The following OSTM1 variants were observed in gnomAD, a reference collection of about 807,000 sequenced individuals.
OSTM1 encodes the protein osteoclastogenesis associated transmembrane protein 1, also known as osteopetrosis-associated transmembrane protein 1.
In OSTM1, 26 loss-of-function variants were observed where a neutral mutation model predicts 35.4. The observed-to-expected ratio is 0.73, with a 90% CI of 0.54 to 1.02. The LOEUF is 1.02. Among genes scored for constraint, OSTM1 ranks in the 50% least tolerant of loss-of-function variants. OSTM1 has a pLI of 0.00. For missense variants in OSTM1, 366 were observed against 409.6 expected, an observed-to-expected ratio of 0.89 and a Z score of 0.92; for synonymous variants, 181 against 165.0, an observed-to-expected ratio of 1.10 and a Z score of -0.75.
chr6:108,067,990 T>C (rs1197585575), intron 1 of OSTM1, among the ~76,000 whole-genome samples: 1 of 152,148 alleles, frequency 6.6e-6, no homozygotes, highest in Non-Finnish European at 1.5e-5. Context: ...TTCCAATCCC[T>C]GTTCAACCCA....
chr6:108,062,535 CTTTTT>C (rs780041339), intron 2 of OSTM1, among the ~76,000 whole-genome samples: 1 of 131,076 alleles, frequency 7.6e-6, no homozygotes, highest in African/African-American at 2.8e-5. Flanking sequence ...CTTTTCTTTT[CTTTTT>C]TTTTTTTTTT....
At position 108,071,101 on chromosome 6, in the gene OSTM1, T is replaced by G. The variant is rs1772475062; in HGVS notation, c.402+3149A>C. On this transcript the variant is annotated intron_variant, in intron 1 of 5. Coordinates refer to ENST00000193322, the MANE Select transcript of OSTM1 (RefSeq NM_014028.4). ...TGCTTGGGAGGCTAAGGCAGGAGAA[T>G]GGCATGAACCTGGGAGGTGGAGCTT... Among the ~76,000 whole-genome samples the G allele has an allele frequency of 2.0e-5, 3 of 150,960 alleles. No homozygotes were observed. In the South Asian group the frequency reaches 6.3e-4, roughly 31 times the overall value.
Position 108,045,046 on chromosome 6 carries a change from T to C in OSTM1, c.950-206A>G, listed in dbSNP as rs566025338. 5.9e-5 allele frequency among the ~76,000 whole-genome samples: 9 copies of C among 152,282 alleles called. 1 individual carries two copies. The East Asian group carries it at 1.7e-3, about 29-fold the overall frequency. On this transcript the variant is annotated intron_variant, in intron 5 of 5. Coordinates refer to ENST00000193322, the MANE Select transcript of OSTM1 (RefSeq NM_014028.4). Reference sequence around the variant, plus strand: ...ACTTTGTTAGAAATTGCACATGACTTTGTTAGAAGCAGTACAAATAAAACA... The same window carrying C: ...ACTTTGTTAGAAATTGCACATGACTCTGTTAGAAGCAGTACAAATAAAACA...
intron 5 of OSTM1, among the ~76,000 whole-genome samples, chr6:108,048,155 T>TA (rs1772012473): frequency 6.6e-6 from 1 of 152,148 alleles, no homozygotes; most frequent in Non-Finnish European, 1.5e-5. Context: ...AACCTTTTTT[T>TA]AAAAAAATTA....
At position 108,074,252 on chromosome 6, in the gene OSTM1, C is replaced by T. The variant is rs1488282026; in HGVS notation, c.400G>A (p.Gly134Arg). Residue 134 changes from glycine to arginine, a missense_variant and splice_region_variant, in exon 1 of 6, where the codon GGG becomes AGG. By Grantham distance (125) the Gly-to-Arg change is moderately radical. This residue lies in a region of OSTM1 where 236 missense variants were observed against 239.3 expected (regional missense o/e 0.99). Transcript: ENST00000193322. ...SKMDNISRAA[G>R]NTSESQSCAR... ...CCCGGACGTGGTCCTGTACCCACCC[C>T]CGCGGCTCGGCTGATGTTGTCCATC... 4 of 1,612,132 alleles carry T rather than the reference C, an allele frequency of 2.5e-6. No individual in the cohort carries two copies. The Admixed American group carries it at 5.0e-5, about 20-fold the overall frequency.
intron 3 of OSTM1, among the ~76,000 whole-genome samples, chr6:108,051,976 T>C (rs1179068345): frequency 2.0e-5 from 3 of 152,136 alleles, no homozygotes; most frequent in African/African-American, 7.2e-5. Flanking sequence ...TAACTGAACA[T>C]TGGGATGAAA....
intron 5 of OSTM1, 87 bp downstream of exon 5, chr6:108,049,164 TTC>T: frequency 2.4e-6 from 2 of 828,378 alleles, no homozygotes; most frequent in Non-Finnish European, 4.0e-6. Context: ...CTACTTTGAG[TTC>T]TCAGAGTAGC....
chr6:108,067,828 TAAAAAAAAAA>T (rs60932026), intron 1 of OSTM1, among the ~76,000 whole-genome samples: 4 of 77,782 alleles, frequency 5.1e-5, no homozygotes, highest in East Asian at 3.5e-4. Flanking sequence ...AGCCTCTGTC[TAAAAAAAAAA>T]AAAAAAAAAA....
chr6:108,050,722 C>A (rs1772061947), intron 4 of OSTM1, among the ~76,000 whole-genome samples: 1 of 152,022 alleles, frequency 6.6e-6, no homozygotes, highest in Non-Finnish European at 1.5e-5. Context: ...TATAACAATA[C>A]CTACACCTCT....
At chr6:108,046,178 T>C (rs1387443532) in intron 5 of OSTM1, among the ~76,000 whole-genome samples, 1 of 142,262 alleles carries the variant, frequency 7.0e-6, no homozygotes, top group East Asian at 2.0e-4. Context: ...ATTTTTTTTT[T>C]TTTTTTTTTT....
chr6:108,046,925 C>T (rs1414540283), intron 5 of OSTM1, among the ~76,000 whole-genome samples: 1 of 152,134 alleles, frequency 6.6e-6, no homozygotes, highest in African/African-American at 2.4e-5. Flanking sequence ...GTACATACAC[C>T]TACATCTTCC....
In OSTM1 at chr6:108,074,718, C is replaced by T; in HGVS notation, c.-67G>A. On this transcript the variant is annotated 5_prime_UTR_variant, in exon 1 of 6. Coordinates refer to ENST00000193322, the MANE Select transcript of OSTM1 (RefSeq NM_014028.4). ...CGCCCCCAGCCGGCACCGCGGACAG[C>T]CGCCGCTTCCGGTTTCCGCGAGCGC... is the stretch of plus-strand genomic sequence containing the variant. 4.2e-6 allele frequency: 6 copies of T among 1,422,524 alleles called. No homozygotes were observed. The highest frequency in any genetic ancestry group is 2.5e-4 in the Middle Eastern group (1 of 3,926). The allele number at this position is 1,422,524 out of a possible 1,614,324, so 88.1% of individuals were successfully genotyped here.
intron 3 of OSTM1, 67 bp from the exon 4 acceptor site, chr6:108,051,265 C>T: frequency 8.5e-7 from 1 of 1,171,376 alleles, no homozygotes; most frequent in Non-Finnish European, 1.2e-6. Flanking sequence ...TTAATGTAAG[C>T]TATTTACGCT....
chr6:108,048,180 G>A (rs1300933518), intron 5 of OSTM1, among the ~76,000 whole-genome samples: 1 of 152,132 alleles, frequency 6.6e-6, no homozygotes, highest in Admixed American at 6.5e-5. Flanking sequence ...TATTAGAAGT[G>A]AAGTTAGATG....
chr6:108,058,562 G>C (rs1772208093), intron 2 of OSTM1, among the ~76,000 whole-genome samples: 1 of 152,216 alleles, frequency 6.6e-6, no homozygotes, highest in East Asian at 1.9e-4. Context: ...GCCGAGGCAG[G>C]TGGATCACGA....
chr6:108,065,965 C>G (rs866966300), intron 1 of OSTM1, among the ~76,000 whole-genome samples: 2 of 138,604 alleles, frequency 1.4e-5, no homozygotes, highest in South Asian at 2.2e-4. Context: ...AGGATATGAA[C>G]TAAGCCCTAT....
intron 1 of OSTM1, among the ~76,000 whole-genome samples, 175 bp from the exon 2 acceptor site, chr6:108,064,474 C>G (rs1772343184): frequency 6.6e-6 from 1 of 152,152 alleles, no homozygotes; most frequent in African/African-American, 2.4e-5. Flanking sequence ...TAGCAGCTAA[C>G]ATTTATTGGT....
intron 1 of OSTM1, 70 bp downstream of exon 1, chr6:108,074,180 G>A: frequency 5.4e-6 from 8 of 1,489,758 alleles, no homozygotes; most frequent in Non-Finnish European, 7.4e-6. Flanking sequence ...CCCCAGCGCT[G>A]ACCATCATTA....
chr6:108,054,956 C>T (rs923915283), intron 2 of OSTM1, among the ~76,000 whole-genome samples: 2 of 152,154 alleles, frequency 1.3e-5, no homozygotes, highest in African/African-American at 4.8e-5. Context: ...AACTCATATG[C>T]CTTATCATTT....
Sources: gnomAD v4.1 joint callset for allele counts (sites outside exome capture counted in the v4.1 genomes callset) on GRCh38, gnomAD v4.1.1 for gene constraint, gnomAD v4.1.1 regional missense constraint, MANE v1.5 for transcripts, NCBI Gene and HGNC (gene_info 2026-07-23, HGNC 2026-07-21) for gene names.